Variants in BANK1 observed in about 807,000 individuals in gnomAD.
BANK1 encodes the protein B cell scaffold protein with ankyrin repeats 1, also known as B-cell scaffold protein with ankyrin repeats.
A neutral mutation model predicts 94.5 loss-of-function variants in BANK1; 95 were observed. That is an observed-to-expected ratio of 1.00 (90% confidence interval 0.85 to 1.19). The LOEUF is 1.19. Among genes scored for constraint, BANK1 ranks in the 50% most tolerant of loss-of-function variants. The pLI, the probability that BANK1 is intolerant of heterozygous loss-of-function variation, is 0.00. For synonymous variants in BANK1, 334 were observed against 308.4 expected, an observed-to-expected ratio of 1.08 and a Z score of -0.87; for missense variants, 987 against 932.2, an observed-to-expected ratio of 1.06 and a Z score of -0.77.
intron 6 of BANK1, among the ~76,000 whole-genome samples, chr4:101,900,091 AGT>A (rs1394979780): frequency 1.3e-5 from 2 of 152,212 alleles, no homozygotes; most frequent in Non-Finnish European, 2.9e-5. Flanking sequence ...CTGTGGACAT[AGT>A]ATTTTCTCCC....
chr4:101,862,118 G>A (rs1188410384), intron 3 of BANK1, among the ~76,000 whole-genome samples: 1 of 152,082 alleles, frequency 6.6e-6, no homozygotes, highest in South Asian at 2.1e-4. Context: ...AAGGAACCAA[G>A]TTATATAAAG....
At chr4:101,796,315 T>A (rs565958280) in intron 1 of BANK1, among the ~76,000 whole-genome samples, 1 of 152,232 alleles carries the variant, frequency 6.6e-6, no homozygotes, top group South Asian at 2.1e-4. Context: ...CTACTTTGAG[T>A]GAATTTCTCT....
intron 7 of BANK1, among the ~76,000 whole-genome samples, chr4:102,001,377 G>A (rs966395212): frequency 1.4e-4 from 22 of 152,162 alleles, no homozygotes; most frequent in African/African-American, 3.4e-4. Context: ...CGAGATGGGC[G>A]GATCACGAGG....
intron 7 of BANK1, among the ~76,000 whole-genome samples, chr4:101,995,304 C>T (rs899024546): frequency 1.1e-4 from 16 of 152,152 alleles, no homozygotes; most frequent in African/African-American, 3.9e-4. Flanking sequence ...CATAGTACTC[C>T]ATGTTGTATA....
Position 101,835,057 on chromosome 4 carries a change from C to T in BANK1, c.469+4851C>T, listed in dbSNP as rs565810016. Among the ~76,000 whole-genome samples, 17 of 152,210 alleles carry T rather than the reference C, an allele frequency of 1.1e-4. No homozygotes were observed. The South Asian group carries it at 3.1e-3, about 28-fold the overall frequency. ...AGTAACACAAATCCAGCTGTATTTA[C>T]TCTTTTCTGTGTGTTTTATAATCGT... is the stretch of plus-strand genomic sequence containing the variant. On this transcript the variant is annotated intron_variant, in intron 2 of 16. Transcript: ENST00000322953.
intron 10 of BANK1, among the ~76,000 whole-genome samples, chr4:102,041,111 C>T (rs1017325471): frequency 6.6e-6 from 1 of 152,044 alleles, no homozygotes; most frequent in Non-Finnish European, 1.5e-5. Context: ...TGACCTATAA[C>T]CCTACACTCA....
intron 7 of BANK1, among the ~76,000 whole-genome samples, chr4:101,934,430 G>C (rs1324904874): frequency 6.6e-6 from 1 of 151,328 alleles, no homozygotes; most frequent in African/African-American, 2.4e-5. Flanking sequence ...TGTGGTCACT[G>C]AAGGAGAAAC....
intron 7 of BANK1, among the ~76,000 whole-genome samples, chr4:101,992,739 C>T (rs1458915611): frequency 6.6e-6 from 1 of 152,044 alleles, no homozygotes; most frequent in South Asian, 2.1e-4. Flanking sequence ...TGCTAGATGA[C>T]CTGCTAAACA....
chr4:101,940,250 G>GAA lies in BANK1; in HGVS notation c.1206+22070_1206+22071dup, dbSNP rs5860704. On this transcript the variant is annotated intron_variant, in intron 7 of 16. Transcript: ENST00000322953. ...CTTTTCCCTTAACTTTTCTAAGCAG[G>GAA]AAAAAAAAAACAGATTCGAAAGTCA... is the stretch of plus-strand genomic sequence containing the variant. Among the ~76,000 whole-genome samples the GAA allele has an allele frequency of 3.3e-4, 48 of 147,026 alleles. 1 individual carries two copies. The highest frequency in any genetic ancestry group is 6.4e-4 in the South Asian group (3 of 4,700).
At chr4:101,984,947 T>G (rs532357106) in intron 7 of BANK1, among the ~76,000 whole-genome samples, 2 of 152,070 alleles carry the variant, frequency 1.3e-5, no homozygotes, top group Non-Finnish European at 2.9e-5. Flanking sequence ...GAGCAGGATA[T>G]TTAACCATGT....
chr4:102,063,835 AGAAAT>A (rs1205739880), intron 13 of BANK1, among the ~76,000 whole-genome samples: 3 of 151,420 alleles, frequency 2.0e-5, no homozygotes, highest in Non-Finnish European at 1.5e-5. Context: ...AAAAAAAAAA[AGAAAT>A]GAAATGATTA....
At chr4:101,798,551 G>A (rs964761838) in intron 1 of BANK1, among the ~76,000 whole-genome samples, 2 of 152,100 alleles carry the variant, frequency 1.3e-5, no homozygotes, top group African/African-American at 4.8e-5. Flanking sequence ...CTTCCACAAT[G>A]GTTGGACTAG....
chr4:101,844,798 C>T (rs1179711727), intron 2 of BANK1, among the ~76,000 whole-genome samples: 1 of 152,172 alleles, frequency 6.6e-6, no homozygotes. Context: ...AAACTCAGTA[C>T]TTACTAGCTT....
At chr4:102,057,065 A>G (rs1241306185) in intron 11 of BANK1, among the ~76,000 whole-genome samples, 1 of 152,120 alleles carries the variant, frequency 6.6e-6, no homozygotes, top group Admixed American at 6.6e-5. Context: ...AATATATGCA[A>G]CCCTAAAGTT....
intron 13 of BANK1, among the ~76,000 whole-genome samples, chr4:102,068,646 G>A (rs1728664686): frequency 6.6e-6 from 1 of 152,038 alleles, no homozygotes; most frequent in Non-Finnish European, 1.5e-5. Context: ...GGCCAACATG[G>A]TGAAACCCTG....
chr4:101,798,501 G>T (rs145714938), intron 1 of BANK1, among the ~76,000 whole-genome samples: 2,124 of 152,200 alleles, frequency 0.014, 157 homozygotes, highest in Admixed American at 0.12. Flanking sequence ...TCTTCAAATG[G>T]TATTTCTAGT....
intron 1 of BANK1, among the ~76,000 whole-genome samples, chr4:101,800,136 TGGGGGGA>T (rs11280314): frequency 0.57 from 58,585 of 102,836 alleles, 15,008 homozygotes; most frequent in Middle Eastern, 0.7. Context: ...TGTTGTTGGG[TGGGGGGA>T]GGGGGGAGGG....
At chr4:102,030,613 G>C (rs1227987409) in intron 10 of BANK1, among the ~76,000 whole-genome samples, 4 of 146,450 alleles carry the variant, frequency 2.7e-5, no homozygotes, top group Non-Finnish European at 6.0e-5. Flanking sequence ...GCCCCAGTGT[G>C]TGATATTCAT....
In BANK1 at chr4:102,003,700, A is replaced by G. The variant is rs187299614; in HGVS notation, c.1207-17814A>G. ...AGGAGAGAGAACATAAATATTTGCTATTGGTGGGAAGTAGCAAGGCTCTGG... is the reference window on the plus strand; with the variant it reads ...AGGAGAGAGAACATAAATATTTGCTGTTGGTGGGAAGTAGCAAGGCTCTGG... On this transcript the variant is annotated intron_variant, in intron 7 of 16. Coordinates refer to ENST00000322953, the MANE Select transcript of BANK1 (RefSeq NM_017935.5). 1.4e-3 allele frequency among the ~76,000 whole-genome samples: 208 copies of G among 152,198 alleles called. 7 individuals are homozygous for G. In the South Asian group the frequency reaches 0.015, roughly 11 times the overall value.
Sources: allele counts gnomAD v4.1 joint callset (sites outside exome capture counted in the v4.1 genomes callset), GRCh38; gene constraint gnomAD v4.1.1; transcripts MANE v1.5; gene names NCBI Gene and HGNC (gene_info 2026-07-23, HGNC 2026-07-21).